RASAL2: variants seen among roughly 807,000 people sequenced by gnomAD.
RASAL2 encodes RAS protein activator like 2.
Under a neutral mutation model 128.9 loss-of-function variants are expected in RASAL2, and 58 were observed. The ratio of observed to expected loss-of-function variants is 0.45; its 90% CI spans 0.36 to 0.56. The LOEUF (loss-of-function observed/expected upper bound fraction) is 0.56. Ranked by LOEUF, RASAL2 falls within the 20% of genes least tolerant of loss-of-function variation. The pLI is 0.00. For synonymous variants in RASAL2, 561 were observed against 580.8 expected, an observed-to-expected ratio of 0.97 and a Z score of 0.49; for missense variants, 1,360 against 1,601.6, an observed-to-expected ratio of 0.85 and a Z score of 2.57.
chr1:178,104,004 C>G (rs1410616021), intron 1 of RASAL2, among the ~76,000 whole-genome samples: 1 of 151,724 alleles, frequency 6.6e-6, no homozygotes, highest in Non-Finnish European at 1.5e-5. Context: ...TTTTCCCCCT[C>G]TACATACACT....
intron 1 of RASAL2, among the ~76,000 whole-genome samples, chr1:178,145,134 G>A (rs1414392294): frequency 6.6e-6 from 1 of 152,082 alleles, no homozygotes; most frequent in South Asian, 2.1e-4. Flanking sequence ...TCCAGAATGA[G>A]TTTTTTACAA....
At chr1:178,242,202 G>A (rs1664528604) in intron 1 of RASAL2, among the ~76,000 whole-genome samples, 1 of 152,092 alleles carries the variant, frequency 6.6e-6, no homozygotes, top group South Asian at 2.1e-4. Context: ...CCACTTTTAA[G>A]TATCATTGTC....
chr1:178,338,770 G>C (rs995148015), intron 3 of RASAL2, among the ~76,000 whole-genome samples: 6 of 152,168 alleles, frequency 3.9e-5, no homozygotes, highest in Admixed American at 1.3e-4. Context: ...AGATATAGCA[G>C]CGAACAAGGC....
intron 1 of RASAL2, among the ~76,000 whole-genome samples, chr1:178,162,109 C>A (rs947281969): frequency 6.7e-6 from 1 of 149,728 alleles, no homozygotes; most frequent in African/African-American, 2.4e-5. Flanking sequence ...GGACTACAGG[C>A]ACCTGCCACC....
intron 1 of RASAL2, among the ~76,000 whole-genome samples, chr1:178,213,646 TTATA>T (rs1425390038): frequency 6.6e-6 from 1 of 151,504 alleles, no homozygotes; most frequent in Non-Finnish European, 1.5e-5. Context: ...ATAATTTTAT[TTATA>T]TATAATAAAT....
In RASAL2 at chr1:178,265,578, G is replaced by A. The variant is rs572154110; in HGVS notation, c.203-17986G>A. ...CCTATTCATAGATGAGGAGATTGAG[G>A]TTCAATTAGGTTGAGTAATTTGTCC... On this transcript the variant is annotated intron_variant, in intron 1 of 17. Transcript: ENST00000367649. Among the ~76,000 whole-genome samples the A allele has an allele frequency of 9.8e-5, 15 of 152,290 alleles. No homozygotes were observed. The East Asian group carries it at 2.5e-3, about 25-fold the overall frequency.
chr1:178,457,612 C>T, intron 13 of RASAL2, 71 bp from the exon 14 acceptor site: 1 of 1,516,408 alleles, frequency 6.6e-7, no homozygotes. Flanking sequence ...AGTTCATATG[C>T]CTGAATTGAG....
At chr1:178,108,203 G>T (rs903728170) in intron 1 of RASAL2, among the ~76,000 whole-genome samples, 1 of 152,110 alleles carries the variant, frequency 6.6e-6, no homozygotes, top group Non-Finnish European at 1.5e-5. Context: ...AATGATTAAT[G>T]ATATTGAGCA....
intron 1 of RASAL2, among the ~76,000 whole-genome samples, chr1:178,222,887 T>C (rs1223247825): frequency 6.6e-6 from 1 of 152,182 alleles, no homozygotes; most frequent in East Asian, 1.9e-4. Flanking sequence ...ATCCTCCTGT[T>C]TCACATTATT....
At chr1:178,211,584 G>A (rs10798600) in intron 1 of RASAL2, among the ~76,000 whole-genome samples, 40,880 of 151,912 alleles carry the variant, frequency 0.27, 6,365 homozygotes, top group African/African-American at 0.44. Flanking sequence ...GAAATGGATC[G>A]TGCTGTTTTA....
intron 3 of RASAL2, among the ~76,000 whole-genome samples, chr1:178,306,792 A>T (rs1456960357): frequency 7.0e-6 from 1 of 142,278 alleles, no homozygotes; most frequent in Non-Finnish European, 1.5e-5. Flanking sequence ...TAGATTCTGG[A>T]TATTAGCCCT....
chr1:178,384,329 T>TAAA (rs1410742334), intron 3 of RASAL2, among the ~76,000 whole-genome samples: 1 of 152,224 alleles, frequency 6.6e-6, no homozygotes, highest in African/African-American at 2.4e-5. Context: ...AAGCTATAAA[T>TAAA]ATCTTTCTAC....
At position 178,384,963 on chromosome 1, in the gene RASAL2, A is replaced by G. The variant is rs550203017; in HGVS notation, c.458-5137A>G. 2.0e-5 allele frequency among the ~76,000 whole-genome samples: 3 copies of G among 152,320 alleles called. No homozygotes were observed. The East Asian group carries it at 5.8e-4, about 29-fold the overall frequency. On this transcript the variant is annotated intron_variant, in intron 3 of 17. Coordinates refer to ENST00000367649, the MANE Select transcript of RASAL2 (RefSeq NM_170692.4). ...TTAAACGAGATTGAACAAAAAGTAA[A>G]TGTAATTGATGCCTATAGATATTTG...
intron 5 of RASAL2, among the ~76,000 whole-genome samples, chr1:178,431,198 CAG>C (rs1488114525): frequency 6.6e-6 from 1 of 151,764 alleles, no homozygotes; most frequent in Non-Finnish European, 1.5e-5. Flanking sequence ...ATAAATATGA[CAG>C]AAAAAGAACT....
At position 178,122,290 on chromosome 1, in the gene RASAL2, G is replaced by A. The variant is rs148164615; in HGVS notation, c.202+27596G>A. On this transcript the variant is annotated intron_variant, in intron 1 of 17. Coordinates refer to ENST00000367649, the MANE Select transcript of RASAL2 (RefSeq NM_170692.4). ...TTTTGTCTGGTGTAAGAAAAAATAC[G>A]ACAAGTATGGGATTGTTTATATGTC... Among the ~76,000 whole-genome samples the A allele has an allele frequency of 8.5e-4, 130 of 152,288 alleles. 1 individual carries two copies. Among genetic ancestry groups the A allele is most frequent in the African/African-American group, 2.9e-3 (119 of 41,550 alleles).
intron 1 of RASAL2, among the ~76,000 whole-genome samples, chr1:178,141,020 G>A (rs752027306): frequency 6.6e-6 from 1 of 152,064 alleles, no homozygotes; most frequent in Non-Finnish European, 1.5e-5. Flanking sequence ...AAGAAGGAGT[G>A]GGGGAGGCAC....
chr1:178,148,206 A>G (rs1660795505), intron 1 of RASAL2, among the ~76,000 whole-genome samples: 1 of 151,172 alleles, frequency 6.6e-6, no homozygotes, highest in Admixed American at 6.6e-5. Context: ...TTTTTTTGAA[A>G]GGGGGCTTAA....
rs556430644 is a variant in RASAL2 at position 178,184,477 on chromosome 1, G to C, written c.202+89783G>C. On this transcript the variant is annotated intron_variant, in intron 1 of 17. Transcript: ENST00000367649. ...TTAGTTTATTTACATTTAGATCTGT[G>C]TTCCATTTTTAGTTTATTTTGTGAA... Among the ~76,000 whole-genome samples the C allele has an allele frequency of 9.8e-4, 148 of 151,206 alleles. 1 individual carries two copies. Among genetic ancestry groups the C allele is most frequent in the Middle Eastern group, 3.5e-3 (1 of 288 alleles).
chr1:178,208,710 C>A lies in RASAL2; in HGVS notation c.203-74854C>A, dbSNP rs565972712. Among the ~76,000 whole-genome samples, 6 of 152,148 alleles carry A rather than the reference C, an allele frequency of 3.9e-5. No homozygotes were observed. In the East Asian group the frequency reaches 9.7e-4, roughly 25 times the overall value. On this transcript the variant is annotated intron_variant, in intron 1 of 17. Transcript: ENST00000367649. ...CATGTGATCTTTGTTCTGCTTTTTGCGCTTTGAAGTATGTGATCTTTGTAC... is the reference window on the plus strand; with the variant it reads ...CATGTGATCTTTGTTCTGCTTTTTGAGCTTTGAAGTATGTGATCTTTGTAC...
Sources: allele counts gnomAD v4.1 joint callset (sites outside exome capture counted in the v4.1 genomes callset), GRCh38; gene constraint gnomAD v4.1.1; transcripts MANE v1.5; gene names NCBI Gene and HGNC (gene_info 2026-07-23, HGNC 2026-07-21).